Variants in VTI1A observed in about 807,000 individuals in gnomAD.
VTI1A encodes the protein vesicle transport through interaction with t-SNAREs 1A.
VTI1A carries 22 observed loss-of-function variants against 34.9 expected under a neutral mutation model. That is an observed-to-expected ratio of 0.63 (90% confidence interval 0.45 to 0.90). The LOEUF is 0.90. Ranked by LOEUF, VTI1A falls within the 40% of genes least tolerant of loss-of-function variation. The pLI is 0.00. For synonymous variants in VTI1A, 87 were observed against 97.3 expected (o/e 0.89, Z 0.62); for missense variants, 268 against 275.6 (o/e 0.97, Z 0.20).
At chr10:112,475,328 A>C (rs1476970864) in intron 3 of VTI1A, among the ~76,000 whole-genome samples, 1 of 152,262 alleles carries the variant, frequency 6.6e-6, no homozygotes, top group Non-Finnish European at 1.5e-5. Context: ...CCTGATACAG[A>C]TATGTGTGTG....
chr10:112,623,972 A>G (rs1208800466), intron 5 of VTI1A, among the ~76,000 whole-genome samples: 1 of 152,232 alleles, frequency 6.6e-6, no homozygotes, highest in African/African-American at 2.4e-5. Flanking sequence ...TCTATTTGCA[A>G]GGGCCTTCAG....
chr10:112,751,746 G>A (rs945403249), intron 7 of VTI1A, among the ~76,000 whole-genome samples: 2 of 152,162 alleles, frequency 1.3e-5, no homozygotes, highest in Admixed American at 1.3e-4. Flanking sequence ...ACACATTATA[G>A]AATAGTGCAG....
chr10:112,572,799 A>G (rs1317105821), intron 5 of VTI1A, among the ~76,000 whole-genome samples: 1 of 150,616 alleles, frequency 6.6e-6, no homozygotes, highest in Non-Finnish European at 1.5e-5. Flanking sequence ...AGATCGCGCC[A>G]CTACACTCCA....
chr10:112,586,539 T>C (rs1000295498), intron 5 of VTI1A, among the ~76,000 whole-genome samples: 1 of 152,188 alleles, frequency 6.6e-6, no homozygotes, highest in African/African-American at 2.4e-5. Flanking sequence ...CTGGATAAAA[T>C]AAAGGATAAT....
At chr10:112,827,643 T>C in the VTI1A span, 1 of 152,350 alleles carries the variant, frequency 6.6e-6, no homozygotes, top group Non-Finnish European at 1.5e-5. Flanking sequence ...CTACATATCG[T>C]TAGTACAAGT....
intron 7 of VTI1A, among the ~76,000 whole-genome samples, chr10:112,731,301 C>G (rs12766280): frequency 6.6e-6 from 1 of 152,102 alleles, no homozygotes; most frequent in Non-Finnish European, 1.5e-5. Context: ...AGGCCAGGCC[C>G]GGTGGCTCAC....
intron 3 of VTI1A, among the ~76,000 whole-genome samples, chr10:112,521,742 G>A (rs151306207): frequency 6.6e-6 from 1 of 152,090 alleles, no homozygotes; most frequent in Non-Finnish European, 1.5e-5. Flanking sequence ...CTTTACCTAA[G>A]CCATGTAGTA....
chr10:112,480,953 T>G (rs1328051717), intron 3 of VTI1A, among the ~76,000 whole-genome samples: 1 of 152,154 alleles, frequency 6.6e-6, no homozygotes, highest in Non-Finnish European at 1.5e-5. Context: ...AGCCAGAGTA[T>G]GGAGAACTGA....
intron 7 of VTI1A, among the ~76,000 whole-genome samples, chr10:112,794,198 A>T (rs1272652712): frequency 6.6e-6 from 1 of 152,154 alleles, no homozygotes; most frequent in African/African-American, 2.4e-5. Context: ...AATTTGCAAA[A>T]TTCAAATCAA....
At chr10:112,483,473 T>A (rs76151975) in intron 3 of VTI1A, among the ~76,000 whole-genome samples, 3 of 152,202 alleles carry the variant, frequency 2.0e-5, no homozygotes, top group Non-Finnish European at 4.4e-5. Flanking sequence ...AGCAAAGATA[T>A]GATTTTTCTT....
chr10:112,457,138 T>C (rs950470401), intron 1 of VTI1A, among the ~76,000 whole-genome samples: 10 of 151,894 alleles, frequency 6.6e-5, no homozygotes, highest in Non-Finnish European at 1.3e-4. Flanking sequence ...ACCTTGTAGT[T>C]GGAAATAAAG....
intron 3 of VTI1A, among the ~76,000 whole-genome samples, chr10:112,482,065 A>C (rs1848475693): frequency 1.3e-5 from 2 of 152,250 alleles, no homozygotes; most frequent in African/African-American, 4.8e-5. Context: ...TTAGGAAATT[A>C]CTTTTAAAAA....
At chr10:112,522,717 TG>T (rs1245754311) in intron 3 of VTI1A, among the ~76,000 whole-genome samples, 1 of 152,084 alleles carries the variant, frequency 6.6e-6, no homozygotes, top group Non-Finnish European at 1.5e-5. Context: ...GTGATGTAGC[TG>T]TGTGGGTATT....
At chr10:112,458,250 C>T (rs937042791) in intron 1 of VTI1A, among the ~76,000 whole-genome samples, 3 of 152,114 alleles carry the variant, frequency 2.0e-5, no homozygotes, top group African/African-American at 7.2e-5. Flanking sequence ...CAGGATGTTC[C>T]TCCTGATACG....
intron 7 of VTI1A, among the ~76,000 whole-genome samples, chr10:112,696,615 C>A (rs1848799774): frequency 6.6e-6 from 1 of 152,140 alleles, no homozygotes; most frequent in Non-Finnish European, 1.5e-5. Context: ...ACTAAGAAAA[C>A]CTATGAGCAA....
intron 7 of VTI1A, among the ~76,000 whole-genome samples, chr10:112,813,315 G>C (rs905983214): frequency 1.3e-5 from 2 of 152,246 alleles, no homozygotes; most frequent in Admixed American, 1.3e-4. Flanking sequence ...CATCATGGAT[G>C]CCTTGGGGCC....
the VTI1A span, chr10:112,831,746 A>G: frequency 6.6e-6 from 1 of 152,164 alleles, no homozygotes; most frequent in Non-Finnish European, 1.5e-5. Flanking sequence ...TTTATTTTTA[A>G]AGACAGCTCA....
chr10:112,494,485 C>G (rs1848941727), intron 3 of VTI1A, among the ~76,000 whole-genome samples: 1 of 151,840 alleles, frequency 6.6e-6, no homozygotes, highest in South Asian at 2.1e-4. Flanking sequence ...TTAGACTTCC[C>G]TTCCCCTGCC....
chr10:112,465,859 T>G lies in VTI1A; in HGVS notation c.264+1202T>G, dbSNP rs139275133. On this transcript the variant is annotated intron_variant, in intron 3 of 7. Transcript: ENST00000393077. Reference sequence around the variant, plus strand: ...TTAAAAATGGTTAAAATGGTAAATTTTATATTATGTGATTTTACCGCAATT... The same window carrying G: ...TTAAAAATGGTTAAAATGGTAAATTGTATATTATGTGATTTTACCGCAATT... 8.8e-3 allele frequency among the ~76,000 whole-genome samples: 1,344 copies of G among 152,272 alleles called. 18 individuals are homozygous for G. Among genetic ancestry groups the G allele is most frequent in the African/African-American group, 0.03 (1,265 of 41,554 alleles).
Sources: gnomAD v4.1 joint callset for allele counts (sites outside exome capture counted in the v4.1 genomes callset) on GRCh38, gnomAD v4.1.1 for gene constraint, MANE v1.5 for transcripts, NCBI Gene and HGNC (gene_info 2026-07-23, HGNC 2026-07-21) for gene names.